Variants in LIPJ observed in about 807,000 individuals in gnomAD.
LIPJ encodes the protein lipase family member J.
A neutral mutation model predicts 39.8 loss-of-function variants in LIPJ; 33 were observed. The observed-to-expected ratio is 0.83, with a 90% confidence interval of 0.63 to 1.11. The LOEUF is 1.11. Ranked by LOEUF, LIPJ falls within the 50% of genes least tolerant of loss-of-function variation. LIPJ has a pLI of 0.00. For missense variants in LIPJ, 422 were observed against 427.9 expected (o/e 0.99, Z 0.12); for synonymous variants, 128 against 139.2 (o/e 0.92, Z 0.57).
At chr10:88,590,440 C>A (rs917693144) in intron 2 of LIPJ, 145 bp from the exon 3 acceptor site, 1 of 397,136 alleles carries the variant, frequency 2.5e-6, no homozygotes, top group South Asian at 2.4e-5. Flanking sequence ...ATGGTTTTAG[C>A]CAAGTTATTT....
downstream of LIPJ, among the ~76,000 whole-genome samples, chr10:88,608,795 A>T (rs1564941896): frequency 1.3e-5 from 2 of 152,226 alleles, no homozygotes; most frequent in Non-Finnish European, 2.9e-5. Context: ...GACTTCCTAG[A>T]ACTAAATCAA....
chr10:88,605,726 C>G, intron 10 of LIPJ, 22 bp downstream of exon 10: 1 of 1,510,918 alleles, frequency 6.6e-7, no homozygotes, highest in Non-Finnish European at 9.2e-7. Flanking sequence ...TCTATAAAAA[C>G]TCTCTACCTT....
In LIPJ at chr10:88,596,797, C is replaced by G; in HGVS notation, c.584C>G (p.Ser195Ter). The G allele has an allele frequency of 6.3e-7, 1 of 1,598,794 alleles. No homozygotes were observed. Among genetic ancestry groups the G allele is most frequent in the Non-Finnish European group, 8.5e-7 (1 of 1,173,192 alleles). ...AATAAATTTATTTTACAGGCTTTTT[C>G]AGGCAACAAAGACTTCTTGCCTAAA... is the stretch of plus-strand genomic sequence containing the variant. Residue 195 changes from serine (S) to a stop codon, truncating the protein, a stop_gained, in exon 8 of 11, where the codon TCA (serine) becomes TGA (stop). Coordinates refer to ENST00000371939, the Ensembl canonical transcript of LIPJ. LOFTEE classifies it high-confidence loss of function.
At chr10:88,613,994 ATACT>A in the LIPJ span, among the ~76,000 whole-genome samples, 1 of 151,006 alleles carries the variant, frequency 6.6e-6, no homozygotes, top group African/African-American at 2.4e-5. Context: ...ATTAGAAAAA[ATACT>A]TAAAGAGGAA....
intron 9 of LIPJ, among the ~76,000 whole-genome samples, chr10:88,604,312 C>T (rs1041786343): frequency 9.9e-5 from 15 of 152,116 alleles, no homozygotes; most frequent in African/African-American, 3.6e-4. Context: ...TTGGCATTCA[C>T]TCTGTGTGAA....
Position 88,587,251 on chromosome 10 carries a change from AT to A in LIPJ, c.-230-9del, listed in dbSNP as rs1049048560. 6.6e-6 allele frequency: 1 copy of A among 151,666 alleles called. No individual in the cohort carries two copies. Among genetic ancestry groups the A allele is most frequent in the Non-Finnish European group, 1.5e-5 (1 of 67,840 alleles). The allele number at this position is 151,666 out of a possible 1,614,324, so 9.4% of individuals were successfully genotyped here. A position where few individuals can be genotyped will look rare whatever the true frequency, so the allele number is the denominator to read the frequency against. On this transcript the variant is annotated splice_polypyrimidine_tract_variant and intron_variant, in intron 1 of 10. Transcript: ENST00000371939. ...GCCTTGAGCTAAATGTTCTCTTTTTATTTTTTCTTTTTAGTATAATATGCTT... is the reference window on the plus strand; with the variant it reads ...GCCTTGAGCTAAATGTTCTCTTTTTATTTTTCTTTTTAGTATAATATGCTT...
At chr10:88,619,228 A>G in the LIPJ span, among the ~76,000 whole-genome samples, 6 of 131,364 alleles carry the variant, frequency 4.6e-5, no homozygotes, top group Non-Finnish European at 9.6e-5. Context: ...AAAAAAAAAA[A>G]GCTGTAACCC....
exon 11 of LIPJ, chr10:88,606,757 T>C: frequency 1.9e-6 from 3 of 1,613,602 alleles, no homozygotes; most frequent in Non-Finnish European, 2.5e-6. Context: ...TGGCTGACCC[T>C]GAAGACGTTA....
At chr10:88,611,493 C>T (rs1458423369), downstream of LIPJ, among the ~76,000 whole-genome samples, 2 of 151,998 alleles carry the variant, frequency 1.3e-5, no homozygotes, top group African/African-American at 4.8e-5. Flanking sequence ...AAGGTGAAGT[C>T]CAACTTCAAG....
chr10:88,605,274 G>T (rs746406071), intron 9 of LIPJ, among the ~76,000 whole-genome samples: 3 of 152,136 alleles, frequency 2.0e-5, no homozygotes, highest in Non-Finnish European at 4.4e-5. Flanking sequence ...TTTTAGGCGG[G>T]TGTTATCTTA....
intron 8 of LIPJ, among the ~76,000 whole-genome samples, chr10:88,599,143 G>C (rs949974340): frequency 6.6e-6 from 1 of 151,124 alleles, no homozygotes; most frequent in African/African-American, 2.4e-5. Context: ...CAAGTAGCCT[G>C]AATGGCAATG....
the LIPJ span, among the ~76,000 whole-genome samples, chr10:88,614,839 T>C: frequency 2.6e-5 from 4 of 152,110 alleles, no homozygotes; most frequent in African/African-American, 7.2e-5. Flanking sequence ...TTTGCAAGGA[T>C]AGAAAAATAT....
rs1564930847 is a variant in LIPJ, at chr10:88,590,697, G to A, written c.9+1G>A. 1 of 1,593,564 alleles carries A rather than the reference G, an allele frequency of 6.3e-7. No homozygotes were observed. The highest frequency in any genetic ancestry group is 1.3e-5 in the African/African-American group (1 of 74,374). On this transcript the variant is annotated splice_donor_variant, in intron 3 of 10. Transcript: ENST00000371939. LOFTEE classifies it high-confidence loss of function. ...GAAACCTGAAGCAGATATGAATATT[G>A]TAAGTTGTTAGAAAATAAATCTGGA...
the LIPJ span, among the ~76,000 whole-genome samples, chr10:88,616,097 T>C: frequency 1.3e-5 from 2 of 152,148 alleles, no homozygotes; most frequent in Non-Finnish European, 2.9e-5. Flanking sequence ...TACATAAGTT[T>C]TGGTGTGTTC....
the LIPJ span, among the ~76,000 whole-genome samples, chr10:88,617,437 T>C: frequency 6.6e-6 from 1 of 152,206 alleles, no homozygotes; most frequent in Non-Finnish European, 1.5e-5. Flanking sequence ...CAGGAATACG[T>C]CTCCTACTTT....
At chr10:88,583,169 C>T, upstream of LIPJ, 1 of 1,614,062 alleles carries the variant, frequency 6.2e-7, no homozygotes, top group South Asian at 1.1e-5. Flanking sequence ...ATCCCGGCGC[C>T]CACGATCAGC....
At chr10:88,582,953 G>C (rs966480872), upstream of LIPJ, 19 of 1,181,430 alleles carry the variant, frequency 1.6e-5, no homozygotes, top group Non-Finnish European at 2.2e-5. Flanking sequence ...CTACACGGCC[G>C]CTCAGGGAGC....
chr10:88,609,162 C>T (rs1037167081), downstream of LIPJ, among the ~76,000 whole-genome samples: 3 of 152,142 alleles, frequency 2.0e-5, no homozygotes, highest in African/African-American at 7.2e-5. Flanking sequence ...AGAACCTGGA[C>T]CCCCTCCACC....
downstream of LIPJ, among the ~76,000 whole-genome samples, chr10:88,608,116 CA>C (rs1851707076): frequency 6.6e-6 from 1 of 152,132 alleles, no homozygotes; most frequent in Non-Finnish European, 1.5e-5. Context: ...AGGGTTTTAT[CA>C]AAGCCTAATG....
Sources: gnomAD v4.1 joint callset for allele counts (sites outside exome capture counted in the v4.1 genomes callset) on GRCh38, gnomAD v4.1.1 for gene constraint, MANE v1.5 for transcripts, NCBI Gene and HGNC (gene_info 2026-07-23, HGNC 2026-07-21) for gene names.